The following TNNI3K variants were observed in gnomAD, a reference collection of about 807,000 sequenced individuals.
The protein encoded by TNNI3K is TNNI3 interacting kinase, also known as serine/threonine-protein kinase TNNI3K.
A neutral mutation model predicts 114.5 loss-of-function variants in TNNI3K; 140 were observed. The observed-to-expected ratio is 1.22, with a 90% CI of 1.07 to 1.41. The LOEUF (loss-of-function observed/expected upper bound fraction) is 1.41, where lower values mean the gene tolerates loss of function less well. Among genes scored for constraint, TNNI3K ranks in the 40% most tolerant of loss-of-function variants. The probability of loss-of-function intolerance (pLI) is 0.00; values close to 1 mark genes in which losing one functional copy is unlikely to be tolerated. For missense variants in TNNI3K, 1,125 were observed against 1,007.6 expected, an observed-to-expected ratio of 1.12 and a Z score of -1.58; for synonymous variants, 347 against 347.5, an observed-to-expected ratio of 1.00 and a Z score of 0.02.
intron 17 of TNNI3K, among the ~76,000 whole-genome samples, chr1:74,429,280 T>C (rs575993501): frequency 3.9e-4 from 60 of 152,088 alleles, no homozygotes; most frequent in Non-Finnish European, 7.5e-4. Context: ...TAGAATCAAA[T>C]AAGAAAAAGA....
chr1:74,323,833 A>C (rs139125214), intron 5 of TNNI3K, among the ~76,000 whole-genome samples: 1 of 152,302 alleles, frequency 6.6e-6, no homozygotes, highest in Non-Finnish European at 1.5e-5. Flanking sequence ...CAGGAAACAA[A>C]GGAGAACAAA....
chr1:74,237,120 A>C (rs1258063215), intron 2 of TNNI3K, among the ~76,000 whole-genome samples: 1 of 151,968 alleles, frequency 6.6e-6, no homozygotes, highest in African/African-American at 2.4e-5. Context: ...CATGTATAAT[A>C]TAGTTTATAT....
At chr1:74,485,379 G>T (rs11210464) in intron 21 of TNNI3K, among the ~76,000 whole-genome samples, 1 of 152,120 alleles carries the variant, frequency 6.6e-6, no homozygotes, top group African/African-American at 2.4e-5. Flanking sequence ...CCGGTTAGTC[G>T]GCCTCATGGA....
chr1:74,253,469 G>A (rs1259149280), intron 4 of TNNI3K, among the ~76,000 whole-genome samples: 11 of 152,262 alleles, frequency 7.2e-5, no homozygotes, highest in African/African-American at 2.6e-4. Context: ...GCGGGCTGCA[G>A]GTCCTGAGCC....
rs139819020 is a variant in TNNI3K, at chr1:74,328,789, A to G, written c.445-2661A>G. Among the ~76,000 whole-genome samples the G allele has an allele frequency of 2.6e-5, 4 of 152,244 alleles. No homozygotes were observed. The East Asian group carries it at 5.8e-4, about 22-fold the overall frequency. ...CTAAGAACTCTTATCTTTTAGAATG[A>G]AAGTTGTGGAAGCATGCCTAAGAAA... is the stretch of plus-strand genomic sequence containing the variant. On this transcript the variant is annotated intron_variant, in intron 5 of 24. Transcript: ENST00000326637.
At chr1:74,463,119 TCTTTA>T (rs937285833) in intron 20 of TNNI3K, among the ~76,000 whole-genome samples, 4 of 152,226 alleles carry the variant, frequency 2.6e-5, no homozygotes, top group Non-Finnish European at 4.4e-5. Flanking sequence ...TGCCTTTCAA[TCTTTA>T]CTTCTTATAA....
At chr1:74,283,245 A>G (rs1044520987) in intron 5 of TNNI3K, among the ~76,000 whole-genome samples, 1 of 152,194 alleles carries the variant, frequency 6.6e-6, no homozygotes, top group Non-Finnish European at 1.5e-5. Flanking sequence ...TCTATACCCC[A>G]TTACTGAGTG....
intron 5 of TNNI3K, among the ~76,000 whole-genome samples, chr1:74,276,882 T>C (rs368209776): frequency 2.0e-5 from 3 of 152,302 alleles, no homozygotes; most frequent in Admixed American, 1.3e-4. Flanking sequence ...CTAGACATGC[T>C]GACTACAATT....
chr1:74,463,486 T>C lies in TNNI3K; in HGVS notation c.2057T>C (p.Ile686Thr), dbSNP rs3737564. 13,978 of 1,614,192 alleles carry C rather than the reference T, an allele frequency of 8.7e-3. 215 individuals are homozygous for C. Among genetic ancestry groups the C allele is most frequent in the East Asian group, 0.041 (1,859 of 44,878 alleles). Residue 686 changes from isoleucine to threonine, a missense_variant, in exon 21 of 25, where the codon ATT becomes ACT. Physicochemically the swap from Ile to Thr is moderately conservative, Grantham distance 89. Coordinates refer to ENST00000326637, the MANE Select transcript of TNNI3K (RefSeq NM_015978.3). ...DMAYHHIRPP[I>T]GYSIPKPISS... Reference sequence around the variant, plus strand: ...GCTTACCACCACATCAGACCTCCCATTGGCTATTCCATTCCCAAGCCCATA... The same window carrying C: ...GCTTACCACCACATCAGACCTCCCACTGGCTATTCCATTCCCAAGCCCATA...
chr1:74,533,155 C>T (rs1428158892), intron 23 of TNNI3K, among the ~76,000 whole-genome samples: 2 of 152,144 alleles, frequency 1.3e-5, no homozygotes, highest in African/African-American at 4.8e-5. Flanking sequence ...AAAATTTTCG[C>T]AACCTACTCA....
intron 23 of TNNI3K, among the ~76,000 whole-genome samples, chr1:74,534,864 A>G (rs1056604950): frequency 2.6e-5 from 4 of 152,160 alleles, no homozygotes; most frequent in African/African-American, 9.7e-5. Context: ...CTTCATCTTA[A>G]ATGGAAATGT....
At position 74,544,148 on chromosome 1, in the gene TNNI3K, G is replaced by A; in HGVS notation, c.*166G>A. On this transcript the variant is annotated 3_prime_UTR_variant, in exon 25 of 25. Coordinates refer to ENST00000326637, the MANE Select transcript of TNNI3K (RefSeq NM_015978.3). The stretch of plus-strand genomic sequence containing the variant: ...AATTCCCCACTATTAGCAGGCTTTG[G>A]ATTTGTGCCTAAGGAATAATATGCA... 1 of 620,946 alleles carries A rather than the reference G, an allele frequency of 1.6e-6. No individual in the cohort carries two copies. The highest frequency in any genetic ancestry group is 2.6e-6 in the Non-Finnish European group (1 of 381,408). 38.5% of individuals were successfully genotyped at this position (620,946 alleles called of 1,614,324 possible).
At chr1:74,341,301 C>T (rs1215599488) in intron 7 of TNNI3K, among the ~76,000 whole-genome samples, 4 of 152,128 alleles carry the variant, frequency 2.6e-5, no homozygotes, top group African/African-American at 9.7e-5. Context: ...CAGCAAATTT[C>T]TAAGATGGAC....
intron 5 of TNNI3K, among the ~76,000 whole-genome samples, chr1:74,276,618 A>G (rs1202564218): frequency 3.9e-5 from 6 of 152,102 alleles, no homozygotes; most frequent in South Asian, 2.1e-4. Flanking sequence ...AGAAATAGCA[A>G]CGGATCAGTG....
chr1:74,544,153 G>C lies in TNNI3K; in HGVS notation c.*171G>C. On this transcript the variant is annotated 3_prime_UTR_variant, in exon 25 of 25. Coordinates refer to ENST00000326637, the MANE Select transcript of TNNI3K (RefSeq NM_015978.3). ...CCCACTATTAGCAGGCTTTGGATTT[G>C]TGCCTAAGGAATAATATGCAAAAGA... is the stretch of plus-strand genomic sequence containing the variant. The C allele has an allele frequency of 4.9e-6, 3 of 609,682 alleles. No homozygotes were observed. The highest frequency in any genetic ancestry group is 2.6e-5 in the South Asian group (1 of 37,972). The allele number at this position is 609,682 out of a possible 1,614,324, so 37.8% of individuals were successfully genotyped here. A position where few individuals can be genotyped will look rare whatever the true frequency, so the allele number is the denominator to read the frequency against.
chr1:74,258,060 A>T (rs904009315), intron 4 of TNNI3K, among the ~76,000 whole-genome samples: 6 of 152,126 alleles, frequency 3.9e-5, no homozygotes, highest in African/African-American at 1.4e-4. Flanking sequence ...TGTCACCTGA[A>T]TTCCCAAGTC....
intron 5 of TNNI3K, among the ~76,000 whole-genome samples, chr1:74,302,235 T>A (rs1658371129): frequency 6.6e-6 from 1 of 152,230 alleles, no homozygotes; most frequent in South Asian, 2.1e-4. Context: ...AACGGTGAAC[T>A]TAATACAAAT....
At chr1:74,418,077 A>C (rs930251945) in intron 17 of TNNI3K, 2 of 395,602 alleles carry the variant, frequency 5.1e-6, no homozygotes, top group Admixed American at 6.3e-5. Context: ...CTTACATTCA[A>C]GCAATGGAAA....
chr1:74,492,627 G>A (rs1383529974), intron 23 of TNNI3K, among the ~76,000 whole-genome samples: 3 of 152,098 alleles, frequency 2.0e-5, no homozygotes, highest in South Asian at 2.1e-4. Context: ...GAAGTTCAGC[G>A]TTCTAAGAAT....
Sources: gnomAD v4.1 joint callset for allele counts (sites outside exome capture counted in the v4.1 genomes callset) on GRCh38, gnomAD v4.1.1 for gene constraint, MANE v1.5 for transcripts, NCBI Gene and HGNC (gene_info 2026-07-23, HGNC 2026-07-21) for gene names.